PLEKHA2: variants seen among roughly 807,000 people sequenced by gnomAD.
PLEKHA2 encodes pleckstrin homology domain containing A2, also known as pleckstrin homology domain-containing family A member 2.
In PLEKHA2, 28 loss-of-function variants were observed where a neutral mutation model predicts 53.2. The observed-to-expected ratio is 0.53, with a 90% confidence interval of 0.39 to 0.72. PLEKHA2 has a LOEUF of 0.72. Ranked by LOEUF, PLEKHA2 falls within the 30% of genes least tolerant of loss-of-function variation. The pLI, the probability that PLEKHA2 is intolerant of heterozygous loss-of-function variation, is 0.00. For missense variants in PLEKHA2, 426 were observed against 537.9 expected (o/e 0.79, Z 2.06); for synonymous variants, 193 against 196.4 (o/e 0.98, Z 0.14).
chr8:38,925,441 A>G (rs1452578497), intron 2 of PLEKHA2, among the ~76,000 whole-genome samples: 1 of 152,232 alleles, frequency 6.6e-6, no homozygotes, highest in Non-Finnish European at 1.5e-5. Flanking sequence ...CAGAAGCGTG[A>G]AACACAATAT....
At chr8:38,955,118 G>A (rs1363946618) in intron 9 of PLEKHA2, among the ~76,000 whole-genome samples, 1 of 152,132 alleles carries the variant, frequency 6.6e-6, no homozygotes, top group Non-Finnish European at 1.5e-5. Flanking sequence ...GCATGGAAAA[G>A]TTCTTCAGTG....
chr8:38,951,600 T>C (rs1187154603), intron 6 of PLEKHA2, among the ~76,000 whole-genome samples: 1 of 151,232 alleles, frequency 6.6e-6, no homozygotes, highest in African/African-American at 2.4e-5. Flanking sequence ...GCCTCAGCCT[T>C]CCTAGGCTCA....
At chr8:38,918,874 C>T (rs545543170) in intron 2 of PLEKHA2, among the ~76,000 whole-genome samples, 1 of 152,356 alleles carries the variant, frequency 6.6e-6, no homozygotes, top group South Asian at 2.1e-4. Context: ...TGTCCTGACC[C>T]TGGCATCTGG....
At chr8:38,969,317 T>C (rs1306333872) in intron 11 of PLEKHA2, 104 bp from the exon 12 acceptor site, 7 of 1,341,518 alleles carry the variant, frequency 5.2e-6, no homozygotes, top group South Asian at 1.4e-5. Context: ...CTTGGACTTA[T>C]GAGGTGGTGA....
chr8:38,953,427 C>T (rs1834882993), intron 9 of PLEKHA2, 60 bp downstream of exon 9: 2 of 1,429,764 alleles, frequency 1.4e-6, no homozygotes, highest in Non-Finnish European at 9.9e-7. Context: ...TTAAATCTCC[C>T]TTTACTACCC....
chr8:38,969,464 G>C lies in PLEKHA2; in HGVS notation c.959G>C (p.Ser320Thr), dbSNP rs1268386955. The change falls in exon 12 of 12, where the codon AGC becomes ACC. Residue 320 changes from serine (S) to threonine (T), a missense_variant. Transcript: ENST00000617275. Reference protein sequence around the residue: ...SRSISLTRPGSSSLSSGPNSI... With the variant: ...SRSISLTRPGTSSLSSGPNSI... ...TCCATTTCTTTGACCCGACCTGGAA[G>C]CTCCAGCCTTTCAAGTGGGCCCAAC... 1 of 1,613,848 alleles carries C rather than the reference G, an allele frequency of 6.2e-7. No individual in the cohort carries two copies. Among genetic ancestry groups the C allele is most frequent in the South Asian group, 1.1e-5 (1 of 91,080 alleles).
chr8:38,964,849 T>TC (rs1835104540), intron 10 of PLEKHA2, among the ~76,000 whole-genome samples: 1 of 141,818 alleles, frequency 7.1e-6, no homozygotes, highest in Non-Finnish European at 1.5e-5. Context: ...TCTTGTTACT[T>TC]CCCTTTTTTT....
chr8:38,910,888 T>G (rs909536201), intron 1 of PLEKHA2, among the ~76,000 whole-genome samples: 2 of 152,228 alleles, frequency 1.3e-5, no homozygotes, highest in Non-Finnish European at 2.9e-5. Context: ...TGGAAAATGC[T>G]TATGACATCA....
At chr8:38,919,450 A>G (rs924554300) in intron 2 of PLEKHA2, among the ~76,000 whole-genome samples, 2 of 152,136 alleles carry the variant, frequency 1.3e-5, no homozygotes, top group East Asian at 3.8e-4. Flanking sequence ...AAACACTGAC[A>G]TGGCCTCTGA....
At chr8:38,904,538 A>G (rs11776027) in intron 1 of PLEKHA2, among the ~76,000 whole-genome samples, 32,107 of 152,246 alleles carry the variant, frequency 0.21, 4,193 homozygotes, top group East Asian at 0.37. Context: ...ATCAAGAGGC[A>G]GCTTGCCTTG....
chr8:38,956,118 C>T (rs1169049713), intron 9 of PLEKHA2, among the ~76,000 whole-genome samples: 1 of 152,156 alleles, frequency 6.6e-6, no homozygotes, highest in East Asian at 1.9e-4. Context: ...TATGTTCTTT[C>T]ACTGGGTAGG....
intron 1 of PLEKHA2, among the ~76,000 whole-genome samples, chr8:38,908,209 T>C (rs180935683): frequency 6.6e-5 from 10 of 152,176 alleles, no homozygotes; most frequent in African/African-American, 2.2e-4. Context: ...CCTGGGTGCT[T>C]CTTAAGACCA....
Position 38,971,056 on chromosome 8 carries a change from C to G in PLEKHA2, c.*1273C>G, listed in dbSNP as rs969266782. ...AAGAGACTAAGAGAACTATTTTTAC[C>G]TGAGTAAATGCTCTCCTCTTCTTGT... On this transcript the variant is annotated 3_prime_UTR_variant, in exon 12 of 12. Coordinates refer to ENST00000617275, the MANE Select transcript of PLEKHA2 (RefSeq NM_021623.2). 1.3e-5 allele frequency: 2 copies of G among 152,126 alleles called. No homozygotes were observed. The highest frequency in any genetic ancestry group is 4.8e-5 in the African/African-American group (2 of 41,412). 9.4% of individuals were successfully genotyped at this position (152,126 alleles called of 1,614,324 possible). A position where few individuals can be genotyped will look rare whatever the true frequency, so the allele number is the denominator to read the frequency against.
intron 3 of PLEKHA2, among the ~76,000 whole-genome samples, chr8:38,936,592 G>A (rs920654188): frequency 6.6e-5 from 10 of 152,262 alleles, no homozygotes; most frequent in Non-Finnish European, 4.4e-5. Flanking sequence ...AACTGCTGGG[G>A]GTTGGGGCAG....
chr8:38,941,151 G>A (rs1169057446), intron 3 of PLEKHA2, among the ~76,000 whole-genome samples: 1 of 151,970 alleles, frequency 6.6e-6, no homozygotes, highest in Non-Finnish European at 1.5e-5. Context: ...CCATCTCCCG[G>A]GTTCAAGCGA....
intron 7 of PLEKHA2, 117 bp from the exon 8 acceptor site, chr8:38,952,519 C>A: frequency 7.4e-7 from 1 of 1,345,944 alleles, no homozygotes; most frequent in Non-Finnish European, 1.0e-6. Flanking sequence ...CTTGCCCCTG[C>A]TGAATGTGGG....
chr8:38,904,323 G>A (rs546287019), intron 1 of PLEKHA2, among the ~76,000 whole-genome samples: 88 of 152,380 alleles, frequency 5.8e-4, no homozygotes, highest in African/African-American at 1.9e-3. Flanking sequence ...ATTGCCCAGT[G>A]TGGGCAAAAG....
intron 2 of PLEKHA2, among the ~76,000 whole-genome samples, chr8:38,921,604 G>T (rs921679758): frequency 1.3e-5 from 2 of 152,356 alleles, no homozygotes; most frequent in South Asian, 4.1e-4. Context: ...AAGCTCTCTG[G>T]GGTCAGCCTC....
intron 9 of PLEKHA2, among the ~76,000 whole-genome samples, chr8:38,955,482 G>T (rs1284182405): frequency 1.3e-5 from 2 of 152,166 alleles, no homozygotes; most frequent in Non-Finnish European, 2.9e-5. Context: ...TCTTTGTAGT[G>T]ACCAGCCTGA....
Sources: gnomAD v4.1 joint callset for allele counts (sites outside exome capture counted in the v4.1 genomes callset) on GRCh38, gnomAD v4.1.1 for gene constraint, MANE v1.5 for transcripts, NCBI Gene and HGNC (gene_info 2026-07-23, HGNC 2026-07-21) for gene names.